Variants in ROBO1 observed in about 807,000 individuals in gnomAD.
ROBO1 encodes roundabout guidance receptor 1.
In ROBO1, 149 loss-of-function variants were observed where a neutral mutation model predicts 195.9. That is an observed-to-expected ratio of 0.76 (90% CI 0.67 to 0.87). The LOEUF is 0.87. Among genes scored for constraint, ROBO1 ranks in the 40% least tolerant of loss-of-function variants. The pLI, the probability that ROBO1 is intolerant of heterozygous loss-of-function variation, is 0.00. For synonymous variants in ROBO1, 816 were observed against 733.2 expected, an observed-to-expected ratio of 1.11 and a Z score of -1.82; for missense variants, 1,933 against 2,068.3, an observed-to-expected ratio of 0.93 and a Z score of 1.27.
intron 4 of ROBO1, among the ~76,000 whole-genome samples, chr3:78,783,593 C>T (rs550439845): frequency 3.3e-5 from 5 of 152,234 alleles, no homozygotes; most frequent in Admixed American, 1.3e-4. Context: ...GGTTCTATGG[C>T]ATTTTGTAAG....
At chr3:78,980,649 C>A (rs2076971638) in intron 3 of ROBO1, among the ~76,000 whole-genome samples, 2 of 152,094 alleles carry the variant, frequency 1.3e-5, no homozygotes, top group Non-Finnish European at 2.9e-5. Flanking sequence ...GCATAGGAAA[C>A]TGGTTGAAAG....
At chr3:79,451,965 T>C (rs1397923521) in intron 2 of ROBO1, among the ~76,000 whole-genome samples, 2 of 150,714 alleles carry the variant, frequency 1.3e-5, no homozygotes, top group Non-Finnish European at 2.9e-5. Context: ...TTCCACATCA[T>C]GCTATTATTA....
At chr3:78,633,791 G>A (rs866311711) in intron 24 of ROBO1, 144 bp downstream of exon 24, 6 of 457,966 alleles carry the variant, frequency 1.3e-5, no homozygotes, top group African/African-American at 8.0e-5. Flanking sequence ...TCAAATTGCA[G>A]AGACAAGACA....
At chr3:79,222,141 C>A (rs977541312) in intron 2 of ROBO1, among the ~76,000 whole-genome samples, 43 of 152,164 alleles carry the variant, frequency 2.8e-4, no homozygotes, top group African/African-American at 9.9e-4. Flanking sequence ...ACCATCTTCT[C>A]TTCTTATCTC....
chr3:78,963,274 CA>C (rs2041478474), intron 3 of ROBO1, among the ~76,000 whole-genome samples: 1 of 151,702 alleles, frequency 6.6e-6, no homozygotes, highest in South Asian at 2.1e-4. Flanking sequence ...GTACCAAAAG[CA>C]AAATATATAC....
chr3:79,525,608 C>CTT (rs371275904), intron 2 of ROBO1, among the ~76,000 whole-genome samples: 22 of 133,302 alleles, frequency 1.7e-4, no homozygotes, highest in African/African-American at 4.4e-4. Context: ...GAACTTTACA[C>CTT]TTTTTTTTTT....
intron 10 of ROBO1, among the ~76,000 whole-genome samples, chr3:78,685,124 T>C (rs1021200163): frequency 6.6e-6 from 1 of 152,076 alleles, no homozygotes; most frequent in Non-Finnish European, 1.5e-5. Context: ...GTATATGAAA[T>C]AAGATATGAA....
chr3:79,552,947 A>C (rs1209977400), intron 2 of ROBO1, among the ~76,000 whole-genome samples: 1 of 152,080 alleles, frequency 6.6e-6, no homozygotes, highest in Non-Finnish European at 1.5e-5. Flanking sequence ...GCTATTGCTA[A>C]GGCCATTATG....
intron 3 of ROBO1, among the ~76,000 whole-genome samples, chr3:79,082,566 G>A (rs140855516): frequency 9.7e-4 from 148 of 152,258 alleles, no homozygotes; most frequent in African/African-American, 3.2e-3. Context: ...AGATAGAAGA[G>A]ACCAAATGTA....
At chr3:79,340,036 C>A (rs1395109311) in intron 2 of ROBO1, among the ~76,000 whole-genome samples, 1 of 152,158 alleles carries the variant, frequency 6.6e-6, no homozygotes, top group East Asian at 1.9e-4. Context: ...ATGTTGGCCC[C>A]ACCCACTTGG....
chr3:79,330,790 G>T (rs1038321021), intron 2 of ROBO1, among the ~76,000 whole-genome samples: 1 of 151,880 alleles, frequency 6.6e-6, no homozygotes, highest in Non-Finnish European at 1.5e-5. Context: ...TAAAGGGACT[G>T]GCCTTATAGT....
intron 3 of ROBO1, among the ~76,000 whole-genome samples, chr3:78,999,417 T>C (rs1025425751): frequency 6.6e-6 from 1 of 152,054 alleles, no homozygotes; most frequent in African/African-American, 2.4e-5. Context: ...CTGAAAGCCA[T>C]TATCCTAAGC....
chr3:78,754,049 T>A (rs2082866036), intron 4 of ROBO1, among the ~76,000 whole-genome samples: 1 of 152,212 alleles, frequency 6.6e-6, no homozygotes, highest in Admixed American at 6.5e-5. Context: ...CTTTCACTAT[T>A]CTGTGATTTT....
intron 1 of ROBO1, among the ~76,000 whole-genome samples, chr3:79,695,232 A>T (rs956593898): frequency 6.6e-6 from 1 of 151,606 alleles, no homozygotes; most frequent in Non-Finnish European, 1.5e-5. Flanking sequence ...CAATAAGATG[A>T]ATAAAAGACA....
chr3:78,973,673 T>C (rs181839265), intron 3 of ROBO1, among the ~76,000 whole-genome samples: 4 of 150,366 alleles, frequency 2.7e-5, no homozygotes, highest in Non-Finnish European at 4.4e-5. Flanking sequence ...CTTCCAAGCA[T>C]ACAAGGCAAT....
chr3:78,935,112 A>G (rs1447639002), intron 4 of ROBO1, among the ~76,000 whole-genome samples: 1 of 152,090 alleles, frequency 6.6e-6, no homozygotes, highest in African/African-American at 2.4e-5. Context: ...TATTCCTTCA[A>G]AATGCATACA....
chr3:79,395,321 CA>C (rs71631647), intron 2 of ROBO1, among the ~76,000 whole-genome samples: 1,787 of 50,152 alleles, frequency 0.036, 28 homozygotes, highest in African/African-American at 0.093. Context: ...GACTCCGTCT[CA>C]AAAAAAAAAA....
intron 26 of ROBO1, among the ~76,000 whole-genome samples, chr3:78,620,328 A>G (rs1403627940): frequency 1.3e-5 from 2 of 151,910 alleles, no homozygotes; most frequent in Middle Eastern, 3.2e-3. Flanking sequence ...CCTGGCCAAC[A>G]CGGCGAAACC....
At chr3:79,241,009 AAAT>A (rs1249340819) in intron 2 of ROBO1, among the ~76,000 whole-genome samples, 4 of 152,198 alleles carry the variant, frequency 2.6e-5, no homozygotes, top group Non-Finnish European at 4.4e-5. Flanking sequence ...GAATTATGCA[AAAT>A]AATGTTCTTC....
Sources: gnomAD v4.1 joint callset for allele counts (sites outside exome capture counted in the v4.1 genomes callset) on GRCh38, gnomAD v4.1.1 for gene constraint, MANE v1.5 for transcripts, NCBI Gene and HGNC (gene_info 2026-07-23, HGNC 2026-07-21) for gene names.